Variants in PVT1 observed in about 807,000 individuals in gnomAD.
PVT1 encodes Pvt1 oncogene, also known as CXCR4/PVT1 fusion.
chr8:128,020,049 A>G (rs1201344658), intron 4 of PVT1, among the ~76,000 whole-genome samples: 1 of 112,980 alleles, frequency 8.9e-6, no homozygotes, highest in East Asian at 2.8e-4. Context: ...ACCACCCCTC[A>G]CTGAGGCTGG....
intron 4 of PVT1, among the ~76,000 whole-genome samples, chr8:128,028,651 C>A (rs1813349127): frequency 6.6e-6 from 1 of 152,150 alleles, no homozygotes; most frequent in African/African-American, 2.4e-5. Flanking sequence ...GCATAGAGCA[C>A]CCAGTTCACC....
chr8:127,901,464 A>G (rs1455850633), intron 3 of PVT1, among the ~76,000 whole-genome samples: 1 of 152,206 alleles, frequency 6.6e-6, no homozygotes, highest in South Asian at 2.1e-4. Context: ...CCAGAAGGAC[A>G]CTTCAGGGCA....
rs550105576 is a variant in PVT1, at chr8:127,948,179, T to C, written n.783-40983T>C. ...TATCCCTGACAAAGGGATACAGTAT[T>C]GTGCGGTGGCTGTGGATGGCGTGTA... On this transcript the variant is annotated intron_variant and non_coding_transcript_variant, in intron 3 of 10. Transcript: ENST00000651587. 1.3e-4 allele frequency: 48 copies of C among 358,240 alleles called. 2 individuals carry two copies. Among genetic ancestry groups the C allele is most frequent in the South Asian group, 9.9e-4 (45 of 45,520 alleles). The allele number at this position is 358,240 out of a possible 1,614,324, so 22.2% of individuals were successfully genotyped here. A position where few individuals can be genotyped will look rare whatever the true frequency, so the allele number is the denominator to read the frequency against.
intron 2 of PVT1, among the ~76,000 whole-genome samples, chr8:127,833,655 T>C (rs1375074561): frequency 6.6e-6 from 1 of 152,136 alleles, no homozygotes; most frequent in East Asian, 1.9e-4. Flanking sequence ...GGTTTCACCA[T>C]GTTGCCCAGG....
At chr8:128,028,168 C>A (rs1452813453) in intron 4 of PVT1, among the ~76,000 whole-genome samples, 1 of 152,278 alleles carries the variant, frequency 6.6e-6, no homozygotes, top group African/African-American at 2.4e-5. Flanking sequence ...CCTTTGAAGC[C>A]TTGACAGGCA....
intron 3 of PVT1, among the ~76,000 whole-genome samples, chr8:127,899,504 C>T (rs1054272422): frequency 3.3e-5 from 5 of 152,190 alleles, no homozygotes; most frequent in African/African-American, 9.7e-5. Flanking sequence ...TGACAGTCCT[C>T]GTCTTGTGCC....
At position 127,856,297 on chromosome 8, in the gene PVT1, C is replaced by T. The variant is rs191970847; in HGVS notation, n.373-34292C>T. 1.5e-3 allele frequency among the ~76,000 whole-genome samples: 219 copies of T among 150,946 alleles called. 1 individual carries two copies. The highest frequency in any genetic ancestry group is 4.3e-3 in the African/African-American group (176 of 41,216). ...CCTGGGAAGGCTTTTATAGACACTG[C>T]GTGGCAGGCCTAGGACTCTAAGTGC... On this transcript the variant is annotated intron_variant and non_coding_transcript_variant, in intron 2 of 10. Coordinates refer to ENST00000651587, the Ensembl canonical transcript of PVT1.
chr8:128,065,925 A>C (rs994082228), intron 4 of PVT1, among the ~76,000 whole-genome samples: 3 of 152,244 alleles, frequency 2.0e-5, no homozygotes, highest in Non-Finnish European at 4.4e-5. Flanking sequence ...CCACACTGCC[A>C]ACAAGGCAGA....
intron 2 of PVT1, among the ~76,000 whole-genome samples, chr8:127,884,789 T>A (rs990236191): frequency 6.6e-6 from 1 of 152,212 alleles, no homozygotes; most frequent in Non-Finnish European, 1.5e-5. Context: ...TGCCACACAT[T>A]GTGTACTTTT....
At chr8:128,087,102 T>A (rs1212824920) in intron 5 of PVT1, among the ~76,000 whole-genome samples, 1 of 152,258 alleles carries the variant, frequency 6.6e-6, no homozygotes, top group African/African-American at 2.4e-5. Flanking sequence ...TTGTGCATTA[T>A]CTCAGTCTTC....
intron 3 of PVT1, among the ~76,000 whole-genome samples, chr8:127,958,190 A>G (rs1816594553): frequency 6.6e-6 from 1 of 152,158 alleles, no homozygotes; most frequent in Non-Finnish European, 1.5e-5. Context: ...CCAACCTTAG[A>G]AAACTTCATA....
chr8:128,067,203 G>A (rs192496917), intron 4 of PVT1, among the ~76,000 whole-genome samples: 31 of 152,266 alleles, frequency 2.0e-4, no homozygotes, highest in South Asian at 1.0e-3. Context: ...CCCTAACTCG[G>A]TTATACACTC....
At chr8:127,799,771 T>C (rs770922470) in intron 2 of PVT1, among the ~76,000 whole-genome samples, 5 of 152,212 alleles carry the variant, frequency 3.3e-5, no homozygotes, top group Non-Finnish European at 7.3e-5. Context: ...GCTAATATCA[T>C]TACTGTTCCA....
intron 2 of PVT1, among the ~76,000 whole-genome samples, chr8:127,806,255 G>A (rs1032716531): frequency 5.9e-5 from 9 of 152,292 alleles, no homozygotes; most frequent in African/African-American, 1.7e-4. Flanking sequence ...AAGGTCAGGC[G>A]TTCGAGACCA....
intron 4 of PVT1, among the ~76,000 whole-genome samples, chr8:127,997,091 G>C (rs535369170): frequency 9.0e-6 from 1 of 110,730 alleles, no homozygotes; most frequent in Non-Finnish European, 1.7e-5. Flanking sequence ...TTTCACTCTT[G>C]TTGCCTAGGG....
chr8:127,876,446 A>G (rs1392802336), intron 2 of PVT1, among the ~76,000 whole-genome samples: 2 of 151,302 alleles, frequency 1.3e-5, no homozygotes, highest in Non-Finnish European at 2.9e-5. Context: ...TTTTTATTTT[A>G]TTAGTATTAT....
chr8:127,804,719 C>G (rs1048210445), intron 2 of PVT1, among the ~76,000 whole-genome samples: 8 of 140,768 alleles, frequency 5.7e-5, no homozygotes, highest in Middle Eastern at 3.7e-3. Context: ...CTTTCTTTTT[C>G]TTTTTTTTTT....
chr8:127,877,998 C>T (rs1815423934), intron 2 of PVT1, among the ~76,000 whole-genome samples: 1 of 148,662 alleles, frequency 6.7e-6, no homozygotes, highest in South Asian at 2.1e-4. Context: ...CACTGTAGAA[C>T]CTTCTGTATT....
At chr8:127,913,496 G>T (rs1815935801) in intron 3 of PVT1, among the ~76,000 whole-genome samples, 1 of 152,158 alleles carries the variant, frequency 6.6e-6, no homozygotes, top group Admixed American at 6.5e-5. Context: ...GTGTTTCCAT[G>T]GGGGACAGGG....
Sources: allele counts gnomAD v4.1 joint callset (sites outside exome capture counted in the v4.1 genomes callset), GRCh38; gene constraint gnomAD v4.1.1; transcripts MANE v1.5; gene names NCBI Gene and HGNC (gene_info 2026-07-23, HGNC 2026-07-21).